The following RALYL variants were observed in gnomAD, a reference collection of about 807,000 sequenced individuals.
RALYL encodes RALY RNA binding protein like, also known as RNA-binding Raly-like protein.
RALYL carries 29 observed loss-of-function variants against 35.1 expected under a neutral mutation model. The observed-to-expected ratio is 0.83, with a 90% confidence interval of 0.61 to 1.13. The LOEUF is 1.13. RALYL is among the 50% of genes most tolerant of loss of function. The probability of loss-of-function intolerance (pLI) is 0.00; values close to 1 mark genes in which losing one functional copy is unlikely to be tolerated. For missense variants in RALYL, 359 were observed against 360.4 expected, an observed-to-expected ratio of 1.00 and a Z score of 0.03; for synonymous variants, 120 against 127.6, an observed-to-expected ratio of 0.94 and a Z score of 0.40.
intron 8 of RALYL, among the ~76,000 whole-genome samples, chr8:84,913,257 C>T (rs1050376201): frequency 9.9e-5 from 15 of 151,922 alleles, no homozygotes; most frequent in Middle Eastern, 3.2e-3. Context: ...TCCCAATGAA[C>T]AGATGATGTT....
At chr8:84,281,473 C>A (rs1025880322) in intron 1 of RALYL, among the ~76,000 whole-genome samples, 2 of 151,564 alleles carry the variant, frequency 1.3e-5, no homozygotes, top group Admixed American at 6.6e-5. Flanking sequence ...ATGCTGGAAG[C>A]TAAATATAAC....
At chr8:84,576,574 TAGAC>T (rs969844782) in intron 2 of RALYL, among the ~76,000 whole-genome samples, 1 of 152,128 alleles carries the variant, frequency 6.6e-6, no homozygotes, top group Non-Finnish European at 1.5e-5. Context: ...TCTCCAGAAG[TAGAC>T]AGTTTAAATT....
chr8:84,633,483 T>C (rs1161340129), intron 2 of RALYL, among the ~76,000 whole-genome samples: 1 of 151,892 alleles, frequency 6.6e-6, no homozygotes, highest in Non-Finnish European at 1.5e-5. Context: ...ACAGCAACTT[T>C]TAAGAAAAAA....
At position 84,423,646 on chromosome 8, in the gene RALYL, G is replaced by A. The variant is rs1448380577; in HGVS notation, c.-23-105653G>A. Among the ~76,000 whole-genome samples the A allele has an allele frequency of 2.0e-3, 303 of 151,404 alleles. 1 individual carries two copies. The highest frequency in any genetic ancestry group is 7.0e-3 in the African/African-American group (284 of 40,852). The stretch of plus-strand genomic sequence containing the variant: ...GTTGATGCAGTTTCTTCCTAGTCTC[G>A]ATGGTCTTTACATTTTGGCATGGTT... On this transcript the variant is annotated intron_variant, in intron 1 of 8. Coordinates refer to ENST00000521268, the MANE Select transcript of RALYL (RefSeq NM_173848.7).
chr8:84,550,199 C>T (rs1345007859), intron 2 of RALYL, among the ~76,000 whole-genome samples: 1 of 149,610 alleles, frequency 6.7e-6, no homozygotes, highest in Non-Finnish European at 1.5e-5. Context: ...TAATCTGGGT[C>T]TCTCTCTCTC....
chr8:84,727,742 C>T (rs1046655528), intron 2 of RALYL, among the ~76,000 whole-genome samples: 73 of 151,082 alleles, frequency 4.8e-4, no homozygotes, highest in East Asian at 2.0e-3. Context: ...TTTGTTCTTG[C>T]GATAGTTTAC....
At chr8:84,708,186 T>C (rs1303374995) in intron 2 of RALYL, among the ~76,000 whole-genome samples, 1 of 152,110 alleles carries the variant, frequency 6.6e-6, no homozygotes, top group African/African-American at 2.4e-5. Flanking sequence ...TAAAGGTGCA[T>C]GTGGCTATGT....
At chr8:84,484,015 CAT>C (rs1471702594) in intron 1 of RALYL, among the ~76,000 whole-genome samples, 6 of 152,126 alleles carry the variant, frequency 3.9e-5, no homozygotes, top group African/African-American at 1.4e-4. Flanking sequence ...AAAATCGGCA[CAT>C]GTTTAATGCA....
chr8:84,362,119 T>G (rs1853169546), intron 1 of RALYL, among the ~76,000 whole-genome samples: 1 of 152,188 alleles, frequency 6.6e-6, no homozygotes, highest in African/African-American at 2.4e-5. Context: ...TTCTTAGCAT[T>G]TATTCATTCT....
chr8:84,382,859 C>T (rs1022075112), intron 1 of RALYL, among the ~76,000 whole-genome samples: 41 of 151,702 alleles, frequency 2.7e-4, no homozygotes, highest in African/African-American at 8.4e-4. Context: ...AATAAAGACT[C>T]GTCAAATTTT....
intron 7 of RALYL, among the ~76,000 whole-genome samples, chr8:84,873,877 C>G (rs1946402): frequency 0.46 from 69,307 of 152,016 alleles, 18,733 homozygotes; most frequent in African/African-American, 0.74. Context: ...AAGACTAAGA[C>G]CATGCACCTG....
intron 1 of RALYL, among the ~76,000 whole-genome samples, chr8:84,327,720 A>G (rs1846073693): frequency 6.6e-6 from 1 of 151,578 alleles, no homozygotes; most frequent in South Asian, 2.1e-4. Flanking sequence ...CTGTCTCATC[A>G]ATTGTTCTTG....
intron 1 of RALYL, among the ~76,000 whole-genome samples, chr8:84,458,491 C>T (rs1289282202): frequency 6.6e-6 from 1 of 151,656 alleles, no homozygotes; most frequent in East Asian, 1.9e-4. Flanking sequence ...AACAGAAATT[C>T]ATTTTATTTC....
At chr8:84,571,783 T>C (rs1258987203) in intron 2 of RALYL, among the ~76,000 whole-genome samples, 1 of 151,770 alleles carries the variant, frequency 6.6e-6, no homozygotes, top group South Asian at 2.1e-4. Flanking sequence ...CCTTTTGTTT[T>C]ATTCCAGAGG....
intron 1 of RALYL, among the ~76,000 whole-genome samples, chr8:84,391,182 C>T (rs1397937377): frequency 6.6e-6 from 1 of 151,992 alleles, no homozygotes; most frequent in Non-Finnish European, 1.5e-5. Context: ...ACGACTCTTT[C>T]TCTCTCAAAA....
intron 2 of RALYL, among the ~76,000 whole-genome samples, chr8:84,547,377 A>AT (rs986470252): frequency 3.3e-5 from 5 of 149,920 alleles, no homozygotes; most frequent in South Asian, 2.1e-4. Flanking sequence ...CTTTTTACTT[A>AT]TTTTTTTAAT....
At chr8:84,882,784 A>C (rs1842385564) in intron 7 of RALYL, among the ~76,000 whole-genome samples, 1 of 151,644 alleles carries the variant, frequency 6.6e-6, no homozygotes, top group African/African-American at 2.4e-5. Flanking sequence ...AAAAAGAGTG[A>C]TGACTAGAAG....
chr8:84,321,147 C>T (rs1844732840), intron 1 of RALYL, among the ~76,000 whole-genome samples: 1 of 152,008 alleles, frequency 6.6e-6, no homozygotes, highest in Admixed American at 6.6e-5. Flanking sequence ...GTTTAAAAGA[C>T]AGGAATGGTA....
chr8:84,345,693 A>G lies in RALYL; in HGVS notation c.-24+161269A>G, dbSNP rs932280913. Among the ~76,000 whole-genome samples the G allele has an allele frequency of 3.9e-5, 6 of 152,010 alleles. No homozygotes were observed. In the South Asian group the frequency reaches 6.2e-4, roughly 16 times the overall value. On this transcript the variant is annotated intron_variant, in intron 1 of 8. Coordinates refer to ENST00000521268, the MANE Select transcript of RALYL (RefSeq NM_173848.7). ...TTCCTTCACGCCCTAATATATAGAAACACATCTCATTCACTTCCCCACTAA... is the reference window on the plus strand; with the variant it reads ...TTCCTTCACGCCCTAATATATAGAAGCACATCTCATTCACTTCCCCACTAA...
Sources: gnomAD v4.1 joint callset for allele counts (sites outside exome capture counted in the v4.1 genomes callset) on GRCh38, gnomAD v4.1.1 for gene constraint, MANE v1.5 for transcripts, NCBI Gene and HGNC (gene_info 2026-07-23, HGNC 2026-07-21) for gene names.